Variants in PXK observed in about 807,000 individuals in gnomAD.
PXK encodes PX domain containing serine/threonine kinase like, also known as PX domain-containing protein kinase-like protein.
A neutral mutation model predicts 84.7 loss-of-function variants in PXK; 35 were observed. That is an observed-to-expected ratio of 0.41 (90% confidence interval 0.32 to 0.55). PXK has a LOEUF of 0.55. Among genes scored for constraint, PXK ranks in the 20% least tolerant of loss-of-function variants. The pLI is 0.21. For synonymous variants in PXK, 253 were observed against 260.8 expected, an observed-to-expected ratio of 0.97 and a Z score of 0.29; for missense variants, 634 against 699.7, an observed-to-expected ratio of 0.91 and a Z score of 1.06.
chr3:58,422,272 C>T, intron 17 of PXK: 1 of 985,420 alleles, frequency 1.0e-6, no homozygotes, highest in Middle Eastern at 5.2e-4. Context: ...TAGACCTCCT[C>T]TCCCCTCCAG....
At chr3:58,358,278 C>T (rs1222227125) in intron 1 of PXK, among the ~76,000 whole-genome samples, 1 of 152,184 alleles carries the variant, frequency 6.6e-6, no homozygotes, top group Non-Finnish European at 1.5e-5. Context: ...CTTCCACCAG[C>T]ATCATCTCTT....
chr3:58,369,085 A>G (rs2098324456), intron 2 of PXK, among the ~76,000 whole-genome samples: 1 of 63,336 alleles, frequency 1.6e-5, no homozygotes, highest in Admixed American at 1.6e-4. Flanking sequence ...GCTCAGTAAA[A>G]CTTTTTTTTT....
chr3:58,343,351 G>A (rs1324654216), intron 1 of PXK, among the ~76,000 whole-genome samples: 3 of 152,234 alleles, frequency 2.0e-5, no homozygotes, highest in South Asian at 2.1e-4. Context: ...CTGCTGGTCC[G>A]TGAGAGCACA....
Position 58,424,533 on chromosome 3 carries a change from A to G in PXK, c.1529-219A>G, listed in dbSNP as rs992660260. Among the ~76,000 whole-genome samples, 6 of 152,242 alleles carry G rather than the reference A, an allele frequency of 3.9e-5. 1 individual carries two copies. The highest frequency in any genetic ancestry group is 3.3e-4 in the Admixed American group (5 of 15,290). ...GTAATTATTTGTTCCAACAGCCTTT[A>G]ACATGACTATTGTTTGAGAAACATG... On this transcript the variant is annotated intron_variant, in intron 17 of 17. Coordinates refer to ENST00000356151, the MANE Select transcript of PXK (RefSeq NM_017771.5).
At chr3:58,381,852 C>T (rs1282206999) in intron 3 of PXK, among the ~76,000 whole-genome samples, 2 of 151,984 alleles carry the variant, frequency 1.3e-5, no homozygotes, top group Non-Finnish European at 2.9e-5. Flanking sequence ...CTGAGAGACT[C>T]GAACGTGGCT....
At chr3:58,423,290 A>G in intron 17 of PXK, 20 of 969,358 alleles carry the variant, frequency 2.1e-5, no homozygotes, top group Non-Finnish European at 2.5e-5. Context: ...ATTTTCCCAC[A>G]ATCCACCTTA....
At chr3:58,420,305 G>T (rs2061628479) in intron 17 of PXK, among the ~76,000 whole-genome samples, 1 of 152,224 alleles carries the variant, frequency 6.6e-6, no homozygotes, top group African/African-American at 2.4e-5. Flanking sequence ...GGCTCAAAAA[G>T]CGACTCATTG....
Position 58,335,105 on chromosome 3 carries a change from G to A in PXK, c.102+2015G>A, listed in dbSNP as rs527600747. On this transcript the variant is annotated intron_variant, in intron 1 of 17. Transcript: ENST00000356151. ...TGTCCAGGCTGGTCTGGAACGCCTGGGCTCAGGCCGTTCTCCTGCCTCAGC... is the reference window on the plus strand; with the variant it reads ...TGTCCAGGCTGGTCTGGAACGCCTGAGCTCAGGCCGTTCTCCTGCCTCAGC... Among the ~76,000 whole-genome samples the A allele has an allele frequency of 3.7e-4, 56 of 151,414 alleles. 1 individual carries two copies. The South Asian group carries it at 0.011, about 30-fold the overall frequency.
At chr3:58,355,188 C>T (rs867141693) in intron 1 of PXK, among the ~76,000 whole-genome samples, 1 of 151,360 alleles carries the variant, frequency 6.6e-6, no homozygotes, top group African/African-American at 2.4e-5. Flanking sequence ...CCAGGCCAGA[C>T]AAATTAAATC....
Position 58,412,638 on chromosome 3 carries a change from A to C in PXK, c.1466-263A>C, listed in dbSNP as rs2060371862. ...CAATTGCCTAAGCTGTTGATGGTGCAAAGTTTCAAACCAGGCAGGCCATGG... is the reference window on the plus strand; with the variant it reads ...CAATTGCCTAAGCTGTTGATGGTGCCAAGTTTCAAACCAGGCAGGCCATGG... On this transcript the variant is annotated intron_variant, in intron 16 of 17. Transcript: ENST00000356151. This position sits in a 1 kb window ranked among gnomAD's most constrained non-coding sequence, Gnocchi z 6.2. 6.6e-6 allele frequency among the ~76,000 whole-genome samples: 1 copy of C among 152,192 alleles called. No homozygotes were observed. The highest frequency in any genetic ancestry group is 2.4e-5 in the African/African-American group (1 of 41,458).
chr3:58,422,564 C>A (rs1471374225), intron 17 of PXK: 1 of 985,266 alleles, frequency 1.0e-6, no homozygotes, highest in Admixed American at 6.1e-5. Flanking sequence ...AAATCCATGT[C>A]CATTTACTTG....
rs2098525852 is a variant in PXK at position 58,383,652 on chromosome 3, A to T, written c.388+952A>T. 6.6e-6 allele frequency among the ~76,000 whole-genome samples: 1 copy of T among 152,218 alleles called. No individual in the cohort carries two copies. The highest frequency in any genetic ancestry group is 2.1e-4 in the South Asian group (1 of 4,830). On this transcript the variant is annotated intron_variant, in intron 4 of 17. Coordinates refer to ENST00000356151, the MANE Select transcript of PXK (RefSeq NM_017771.5). This position sits in a 1 kb window ranked among gnomAD's most constrained non-coding sequence, Gnocchi z 4.0. ...ATTACACTCAAAGCTGGCATGAATA[A>T]CCTAAGCCTGATGTCAGCAGAATGA...
intron 13 of PXK, among the ~76,000 whole-genome samples, chr3:58,405,572 G>C (rs930382600): frequency 2.0e-5 from 3 of 151,954 alleles, no homozygotes; most frequent in Admixed American, 6.5e-5. Context: ...CCAGCTACTC[G>C]GGAGGCTGAA....
intron 1 of PXK, among the ~76,000 whole-genome samples, chr3:58,356,958 G>C (rs1314053375): frequency 1.4e-5 from 2 of 147,508 alleles, no homozygotes; most frequent in Non-Finnish European, 3.0e-5. Context: ...GTTCCCTTTT[G>C]ATTAGGCTGG....
rs776136710 is a variant in PXK, at chr3:58,416,782, G to A, written c.1528+3819G>A. ...ATTATAGGCACTCACCACCACGCTT[G>A]GCTAATATTTTTGTATTTTTGATAG... On this transcript the variant is annotated intron_variant, in intron 17 of 17. Coordinates refer to ENST00000356151, the MANE Select transcript of PXK (RefSeq NM_017771.5). The surrounding 1 kb of genome is among the most constrained non-coding windows in gnomAD (Gnocchi z 4.8). Among the ~76,000 whole-genome samples, 4 of 152,070 alleles carry A rather than the reference G, an allele frequency of 2.6e-5. No individual in the cohort carries two copies. The highest frequency in any genetic ancestry group is 4.4e-5 in the Non-Finnish European group (3 of 68,018).
chr3:58,353,149 A>G (rs959039357), intron 1 of PXK, among the ~76,000 whole-genome samples: 6 of 151,946 alleles, frequency 3.9e-5, no homozygotes, highest in Admixed American at 3.9e-4. Flanking sequence ...GGCGCCCGCC[A>G]CCACGCCCGG....
chr3:58,397,669 C>T lies in PXK; in HGVS notation c.1049C>T (p.Pro350Leu), dbSNP rs796542589. ...CTGTATGAAATGACTTATGGACGACCGCCAGACTCGGTGCCTGTGGACTCC... is the reference window on the plus strand; with the variant it reads ...CTGTATGAAATGACTTATGGACGACTGCCAGACTCGGTGCCTGTGGACTCC... ...HLLYEMTYGRPPDSVPVDSFP... is the reference protein window; with the variant it reads ...HLLYEMTYGRLPDSVPVDSFP... The change falls in exon 11 of 18, where the codon CCG becomes CTG. Residue 350 changes from proline to leucine, a missense_variant. Around this residue, in one of 3 missense-constraint regions of PXK, gnomAD observed 273 missense variants for 283.6 expected, o/e 0.96. Coordinates refer to ENST00000356151, the MANE Select transcript of PXK (RefSeq NM_017771.5). This position sits in a 1 kb window ranked among gnomAD's most constrained non-coding sequence, Gnocchi z 4.7. 1.1e-5 allele frequency: 17 copies of T among 1,613,998 alleles called. No homozygotes were observed. Among genetic ancestry groups the T allele is most frequent in the African/African-American group, 4.0e-5 (3 of 74,902 alleles).
intron 3 of PXK, among the ~76,000 whole-genome samples, chr3:58,373,075 C>T (rs915563244): frequency 3.4e-5 from 5 of 146,826 alleles, no homozygotes; most frequent in East Asian, 2.2e-4. Flanking sequence ...ACCTTGAGTC[C>T]GTCATTTCTT....
chr3:58,333,527 G>A lies in PXK; in HGVS notation c.102+437G>A, dbSNP rs1225650044. 3 of 456,580 alleles carry A rather than the reference G, an allele frequency of 6.6e-6. No homozygotes were observed. The highest frequency in any genetic ancestry group is 1.3e-5 in the Non-Finnish European group (3 of 226,936). 28.3% of individuals were successfully genotyped at this position (456,580 alleles called of 1,614,324 possible). A position where few individuals can be genotyped will look rare whatever the true frequency, so the allele number is the denominator to read the frequency against. On this transcript the variant is annotated intron_variant, in intron 1 of 17. Transcript: ENST00000356151. The surrounding 1 kb of genome is among the most constrained non-coding windows in gnomAD (Gnocchi z 5.4). ...CTTGCAGCTGAGGGTCTGGGTGATG[G>A]GGATGAGGGTGTGCCGGGCCAAATG...
Sources: gnomAD v4.1 joint callset for allele counts (sites outside exome capture counted in the v4.1 genomes callset) on GRCh38, gnomAD v4.1.1 for gene constraint, gnomAD v4.1.1 regional missense constraint, Gnocchi (gnomAD v3.1) non-coding constraint, MANE v1.5 for transcripts, NCBI Gene and HGNC (gene_info 2026-07-23, HGNC 2026-07-21) for gene names.